NOS1: variants seen among roughly 807,000 people sequenced by gnomAD.
The protein encoded by NOS1 is nitric oxide synthase 1, also known as NOS type I.
A neutral mutation model predicts 164.5 loss-of-function variants in NOS1; 51 were observed. The observed-to-expected ratio is 0.31, with a 90% confidence interval of 0.25 to 0.39. The LOEUF is 0.39. Ranked by LOEUF, NOS1 falls within the 10% of genes least tolerant of loss-of-function variation. NOS1 has a pLI of 1.00. For synonymous variants in NOS1, 719 were observed against 745.8 expected (o/e 0.96, Z 0.59); for missense variants, 1,362 against 1,885.6 (o/e 0.72, Z 5.14).
chr12:117,286,239 C>G lies in NOS1; in HGVS notation c.1155G>C (p.Arg385Ser), dbSNP rs770197855. The G allele has an allele frequency of 6.2e-7, 1 of 1,614,066 alleles. No individual in the cohort carries two copies. The highest frequency in any genetic ancestry group is 8.5e-7 in the Non-Finnish European group (1 of 1,180,018). ...KRFGSKAHME[R>S]LEEVNKEIDT... ...CGATCTCTTTGTTCACCTCTTCCAG[C>G]CTTTCCATGTGGGCTTTGGAGCCAA... The change falls in exon 6 of 29, where the codon AGG becomes AGC. Residue 385 changes from arginine to serine, a missense_variant. Arg to Ser is a moderately radical substitution (Grantham distance 110). Coordinates refer to ENST00000317775, the MANE Select transcript of NOS1 (RefSeq NM_000620.5).
Position 117,330,823 on chromosome 12 carries a change from C to T in NOS1, c.247G>A (p.Val83Ile). ...GTCTCAGAGGCAATGCCTCTGAGTA[C>T]CTCCAGGGCGCTGTCATAGCTCAGG... ...VDLSYDSALE[V>I]LRGIASETHV... Residue 83 changes from valine to isoleucine, a missense_variant, in exon 2 of 29, where the codon GTA becomes ATA. By Grantham distance (29) the Val-to-Ile change is conservative (BLOSUM62 3). This residue lies in a region of NOS1 where 362 missense variants were observed against 402.0 expected (regional missense o/e 0.90). Transcript: ENST00000317775. The surrounding 1 kb of genome is among the most constrained non-coding windows in gnomAD (Gnocchi z 4.6). 1 of 1,614,054 alleles carries T rather than the reference C, an allele frequency of 6.2e-7. No homozygotes were observed.
intron 3 of NOS1, chr12:117,301,924 C>T: frequency 2.2e-6 from 1 of 448,266 alleles, no homozygotes; most frequent in African/African-American, 2.0e-5. Flanking sequence ...GTAACGACCC[C>T]AACATTTGTT....
At chr12:117,225,577 G>A (rs1592927918) in intron 24 of NOS1, among the ~76,000 whole-genome samples, 1 of 152,164 alleles carries the variant, frequency 6.6e-6, no homozygotes, top group Non-Finnish European at 1.5e-5. Flanking sequence ...GGGTGGCAGG[G>A]GTGGGGTGGG....
At chr12:117,286,330 G>A (rs149324500) in intron 5 of NOS1, 64 bp from the exon 6 acceptor site, 9 of 1,554,226 alleles carry the variant, frequency 5.8e-6, no homozygotes, top group Admixed American at 1.8e-5. Context: ...TTAGTGGAAG[G>A]GGAGAGCTAT....
At chr12:117,247,222 G>T in intron 18 of NOS1, 126 bp downstream of exon 18, 1 of 739,630 alleles carries the variant, frequency 1.4e-6, no homozygotes, top group Non-Finnish European at 2.1e-6. Context: ...GCTGTATCTT[G>T]GCTGGATACA....
At chr12:117,329,045 TAC>T (rs1264370685) in intron 2 of NOS1, among the ~76,000 whole-genome samples, 3 of 152,200 alleles carry the variant, frequency 2.0e-5, no homozygotes, top group Non-Finnish European at 4.4e-5. Flanking sequence ...ACAGTAACAA[TAC>T]AGTTTTATAA....
Position 117,209,433 on chromosome 12 carries a change from A to G in NOS1, c.*5876T>C. The G allele has an allele frequency of 2.0e-6, 2 of 985,474 alleles. No homozygotes were observed. Among genetic ancestry groups the G allele is most frequent in the Non-Finnish European group, 1.2e-6 (1 of 829,942 alleles). The allele number at this position is 985,474 out of a possible 1,614,324, so 61.0% of individuals were successfully genotyped here. ...CCTGCGCTACAGTCTCCTAGAACTT[A>G]GGAGTCAAATCTGGGCACTTCGATG... On this transcript the variant is annotated 3_prime_UTR_variant, in exon 29 of 29. Transcript: ENST00000317775.
intron 25 of NOS1, 93 bp downstream of exon 25, chr12:117,224,923 G>T: frequency 3.3e-6 from 5 of 1,532,792 alleles, no homozygotes; most frequent in Non-Finnish European, 4.5e-6. Flanking sequence ...GCCGTGGAGA[G>T]ACACCTTCAC....
At position 117,330,309 on chromosome 12, in the gene NOS1, C is replaced by CAA. The variant is rs776447053; in HGVS notation, c.725+35_725+36insTT. 5.7e-6 allele frequency: 9 copies of CAA among 1,572,062 alleles called. No individual in the cohort carries two copies. The highest frequency in any genetic ancestry group is 6.9e-6 in the Non-Finnish European group (8 of 1,155,330). ...GCACACACACAAGCATGCACACACA[C>CAA]ACACACACACACACACACACCCCTG... On this transcript the variant is annotated intron_variant, in intron 2 of 28. Coordinates refer to ENST00000317775, the MANE Select transcript of NOS1 (RefSeq NM_000620.5). The surrounding 1 kb of genome is among the most constrained non-coding windows in gnomAD (Gnocchi z 4.6).
intron 17 of NOS1, among the ~76,000 whole-genome samples, chr12:117,247,941 G>A (rs1396198666): frequency 2.3e-5 from 3 of 130,254 alleles, no homozygotes; most frequent in East Asian, 2.0e-4. Context: ...GCGAGACTCC[G>A]TCTAAAAAAA....
chr12:117,303,900 C>G (rs1028422318), intron 3 of NOS1, among the ~76,000 whole-genome samples: 3 of 152,170 alleles, frequency 2.0e-5, no homozygotes, highest in Non-Finnish European at 4.4e-5. Flanking sequence ...CAAAACTCAA[C>G]ATGTGTTCAC....
At chr12:117,297,837 C>T (rs1873529277) in intron 3 of NOS1, among the ~76,000 whole-genome samples, 1 of 152,076 alleles carries the variant, frequency 6.6e-6, no homozygotes, top group Non-Finnish European at 1.5e-5. Context: ...CTGCCCTTCC[C>T]TAGTAGTGGC....
chr12:117,259,113 T>C lies in NOS1; in HGVS notation c.2385A>G (p.Glu795=), dbSNP rs1274185892. Residue 795 remains glutamate (E), a synonymous_variant, in exon 15 of 29, where the codon GAA becomes GAG. Transcript: ENST00000317775. ...AFDAKVMSME[E]YDIVHLEHET... ...CATGTTCCAGGTGCACAATGTCATA[T>C]TCTTCCATGGACATCACCTAGGTGG... 1 of 1,613,836 alleles carries C rather than the reference T, an allele frequency of 6.2e-7. No individual in the cohort carries two copies. The highest frequency in any genetic ancestry group is 8.5e-7 in the Non-Finnish European group (1 of 1,179,774).
rs570378128 is a variant in NOS1, at chr12:117,253,644, T to C, written c.2642A>G (p.Asn881Ser). 1.7e-5 allele frequency: 28 copies of C among 1,612,516 alleles called. No homozygotes were observed. The East Asian group carries it at 5.8e-4, about 33-fold the overall frequency. Reference protein sequence around the residue: ...DNFESAGPLANVRFSVFGLGS... With the variant: ...DNFESAGPLASVRFSVFGLGS... ...CCCTTATCCCCTTGCTCACCTCACATTGGCCAGGGGTCCAGCACTCTCAAA... is the reference window on the plus strand; with the variant it reads ...CCCTTATCCCCTTGCTCACCTCACACTGGCCAGGGGTCCAGCACTCTCAAA... The change falls in exon 17 of 29, where the codon AAT (asparagine) becomes AGT (serine). Residue 881 changes from asparagine to serine, a missense_variant. By Grantham distance (46) the Asn-to-Ser change is conservative. Coordinates refer to ENST00000317775, the MANE Select transcript of NOS1 (RefSeq NM_000620.5).
chr12:117,288,163 A>G lies in NOS1; in HGVS notation c.1038T>C (p.His346=), dbSNP rs1474344692. ...TGCGGACGTCTTCAGGCCTCCTTGCATGCTGAGAAGGATGCATGATGGAGC... is the reference window on the plus strand; with the variant it reads ...TGCGGACGTCTTCAGGCCTCCTTGCGTGCTGAGAAGGATGCATGATGGAGC... ...CMGSIMHPSQ[H]ARRPEDVRTK... is the part of the protein sequence containing the mutation. Residue 346 remains histidine (H), a synonymous_variant, in exon 5 of 29, where the codon CAT becomes CAC. Coordinates refer to ENST00000317775, the MANE Select transcript of NOS1 (RefSeq NM_000620.5). 5.6e-6 allele frequency: 9 copies of G among 1,614,080 alleles called. No homozygotes were observed. Among genetic ancestry groups the G allele is most frequent in the Non-Finnish European group, 7.6e-6 (9 of 1,179,982 alleles).
intron 8 of NOS1, among the ~76,000 whole-genome samples, chr12:117,278,351 C>A (rs954723540): frequency 6.6e-6 from 1 of 152,198 alleles, no homozygotes. Context: ...TATTTTTGCA[C>A]TAACCTAGTA....
intron 1 of NOS1, among the ~76,000 whole-genome samples, chr12:117,337,177 G>A (rs1372174331): frequency 2.9e-5 from 4 of 137,282 alleles, no homozygotes; most frequent in South Asian, 4.9e-4. Flanking sequence ...GTGCAGTGGC[G>A]CGATCTCGGC....
chr12:117,327,151 T>G (rs894892643), intron 2 of NOS1, among the ~76,000 whole-genome samples: 18 of 152,178 alleles, frequency 1.2e-4, no homozygotes, highest in African/African-American at 4.1e-4. Context: ...TAGATACGGC[T>G]GGGATTCAGC....
chr12:117,286,209 G>A lies in NOS1; in HGVS notation c.1185C>T (p.Thr395=). ...TGTCCTTGAGCTGGTAAGTGCTAGT[G>A]GTGTCGATCTCTTTGTTCACCTCTT... The part of the protein sequence containing the change: ...RLEEVNKEID[T]TSTYQLKDTE... Residue 395 remains threonine (T), a synonymous_variant, in exon 6 of 29, where the codon ACC becomes ACT. Coordinates refer to ENST00000317775, the MANE Select transcript of NOS1 (RefSeq NM_000620.5). The A allele has an allele frequency of 6.2e-7, 1 of 1,614,174 alleles. No homozygotes were observed. Among genetic ancestry groups the A allele is most frequent in the Non-Finnish European group, 8.5e-7 (1 of 1,180,040 alleles).
Sources: allele counts gnomAD v4.1 joint callset (sites outside exome capture counted in the v4.1 genomes callset), GRCh38; gene constraint gnomAD v4.1.1; regional missense constraint gnomAD v4.1.1; non-coding constraint Gnocchi (gnomAD v3.1); transcripts MANE v1.5; gene names NCBI Gene and HGNC (gene_info 2026-07-23, HGNC 2026-07-21).